Variants in SKIL observed in about 807,000 individuals in gnomAD.
SKIL encodes SKI like proto-oncogene.
SKIL carries 20 observed loss-of-function variants against 69.6 expected under a neutral mutation model. The observed-to-expected ratio is 0.29, with a 90% confidence interval of 0.20 to 0.42. The LOEUF is 0.42. Among genes scored for constraint, SKIL ranks in the 10% least tolerant of loss-of-function variants. The pLI is 1.00. For synonymous variants in SKIL, 310 were observed against 279.9 expected (o/e 1.11, Z -1.08); for missense variants, 745 against 783.1 (o/e 0.95, Z 0.58).
chr3:170,382,868 G>T (rs1450091191), intron 3 of SKIL, among the ~76,000 whole-genome samples: 2 of 151,142 alleles, frequency 1.3e-5, no homozygotes, highest in Non-Finnish European at 2.9e-5. Flanking sequence ...ACAGGCATCC[G>T]CTGCTACGCC....
chr3:170,374,464 A>G (rs1013487285), intron 2 of SKIL, among the ~76,000 whole-genome samples: 1 of 152,238 alleles, frequency 6.6e-6, no homozygotes, highest in Non-Finnish European at 1.5e-5. Flanking sequence ...GTATTTTAAA[A>G]TTTAAATACA....
chr3:170,366,268 T>C (rs1295160916), intron 2 of SKIL, among the ~76,000 whole-genome samples: 1 of 152,034 alleles, frequency 6.6e-6, no homozygotes, highest in Non-Finnish European at 1.5e-5. Flanking sequence ...TGTAATATAT[T>C]AATACATTTT....
chr3:170,372,783 GC>G (rs1736852931), intron 2 of SKIL, among the ~76,000 whole-genome samples: 1 of 152,084 alleles, frequency 6.6e-6, no homozygotes, highest in Admixed American at 6.6e-5. Flanking sequence ...TAGTAAGGTT[GC>G]TAATGATTTA....
At chr3:170,380,080 A>G (rs925446798) in intron 2 of SKIL, among the ~76,000 whole-genome samples, 1 of 152,090 alleles carries the variant, frequency 6.6e-6, no homozygotes, top group African/African-American at 2.4e-5. Context: ...GTTACCAGTT[A>G]CCTTTCTCCT....
At chr3:170,380,567 C>G (rs139468417) in intron 2 of SKIL, among the ~76,000 whole-genome samples, 1 of 151,568 alleles carries the variant, frequency 6.6e-6, no homozygotes, top group Non-Finnish European at 1.5e-5. Flanking sequence ...CGCTTGAACC[C>G]GGGAGGTGGA....
chr3:170,384,812 A>G lies in SKIL; in HGVS notation c.1429+47A>G. 3 of 963,876 alleles carry G rather than the reference A, an allele frequency of 3.1e-6. No individual in the cohort carries two copies. The South Asian group carries it at 5.1e-5, about 16-fold the overall frequency. 59.7% of individuals were successfully genotyped at this position (963,876 alleles called of 1,614,324 possible). On this transcript the variant is annotated intron_variant, in intron 4 of 6. Transcript: ENST00000259119. ...TTCTAAAATTAAATATCTAATGAAC[A>G]CATTTATTGAGCATTTTCAAACAGG...
chr3:170,387,337 T>C (rs78642312), intron 4 of SKIL, among the ~76,000 whole-genome samples: 2,598 of 152,262 alleles, frequency 0.017, 51 homozygotes, highest in East Asian at 0.092. Context: ...CACTCCCTGA[T>C]TCTCCCTTTC....
chr3:170,379,569 A>G (rs1376461623), intron 2 of SKIL, among the ~76,000 whole-genome samples: 3 of 152,218 alleles, frequency 2.0e-5, no homozygotes, highest in Non-Finnish European at 2.9e-5. Flanking sequence ...CAAAGTGTAA[A>G]TAAAGTAAAC....
intron 6 of SKIL, among the ~76,000 whole-genome samples, chr3:170,392,002 T>TGAGC (rs1737948933): frequency 6.6e-6 from 1 of 152,180 alleles, no homozygotes; most frequent in African/African-American, 2.4e-5. Flanking sequence ...CAGGCTGTGA[T>TGAGC]GAGCGGTATA....
intron 3 of SKIL, among the ~76,000 whole-genome samples, chr3:170,383,431 A>G (rs1021911170): frequency 1.3e-5 from 2 of 152,236 alleles, no homozygotes; most frequent in African/African-American, 2.4e-5. Context: ...TAGAGTGTCA[A>G]GTCTTAAATG....
In SKIL at chr3:170,391,252, G is replaced by T. The variant is rs375933856; in HGVS notation, c.1888G>T (p.Ala630Ser). 6 of 1,581,008 alleles carry T rather than the reference G, an allele frequency of 3.8e-6. No individual in the cohort carries two copies. The highest frequency in any genetic ancestry group is 5.2e-6 in the Non-Finnish European group (6 of 1,152,470). Reference protein sequence around the residue: ...NLEKDKEAEYAGQLAELRQRL... With the variant: ...NLEKDKEAEYSGQLAELRQRL... ...AGAAAAAGACAAAGAGGCTGAATAT[G>T]CAGGACAGGTAAGAATTACTGTTTG... Residue 630 changes from alanine to serine, a missense_variant, in exon 6 of 7, where the codon GCA becomes TCA. Physicochemically the swap from Ala to Ser is moderately conservative, Grantham distance 99 (BLOSUM62 1). Transcript: ENST00000259119.
chr3:170,381,883 C>CAGGTTAG (rs1737373009), intron 3 of SKIL, among the ~76,000 whole-genome samples: 1 of 151,704 alleles, frequency 6.6e-6, no homozygotes, highest in Non-Finnish European at 1.5e-5. Flanking sequence ...AGATCGAGAC[C>CAGGTTAG]ATCCTGGCTA....
chr3:170,358,036 G>T (rs1399406120), intron 1 of SKIL, among the ~76,000 whole-genome samples: 1 of 152,074 alleles, frequency 6.6e-6, no homozygotes, highest in African/African-American at 2.4e-5. Flanking sequence ...CGCTGTAGTT[G>T]ACGGGAGCCG....
chr3:170,363,734 C>T (rs1347718812), intron 2 of SKIL, among the ~76,000 whole-genome samples: 6 of 152,156 alleles, frequency 3.9e-5, no homozygotes, highest in Non-Finnish European at 7.3e-5. Flanking sequence ...ATCCACCCGC[C>T]TTGGCTTCTC....
intron 2 of SKIL, among the ~76,000 whole-genome samples, chr3:170,380,704 A>T (rs535818535): frequency 1.3e-5 from 2 of 152,282 alleles, no homozygotes; most frequent in East Asian, 3.9e-4. Context: ...TGATGCAGTC[A>T]TTTCTGGTAC....
At position 170,394,587 on chromosome 3, in the gene SKIL, C is replaced by G. The variant is rs1738100097; in HGVS notation, c.*2170C>G. The G allele has an allele frequency of 6.6e-6, 1 of 152,058 alleles. No homozygotes were observed. The highest frequency in any genetic ancestry group is 2.4e-5 in the African/African-American group (1 of 41,402). 9.4% of individuals were successfully genotyped at this position (152,058 alleles called of 1,614,324 possible). On this transcript the variant is annotated 3_prime_UTR_variant, in exon 7 of 7. Transcript: ENST00000259119. ...TGTTATTGGAAAATTTTAAGCAGTG[C>G]TTAAACACCATTAAATTATTATGAA... is the stretch of plus-strand genomic sequence containing the variant.
intron 2 of SKIL, among the ~76,000 whole-genome samples, chr3:170,370,660 C>T (rs11917147): frequency 0.77 from 116,915 of 151,970 alleles, 45,749 homozygotes; most frequent in East Asian, 0.94. Flanking sequence ...TGAATTTATT[C>T]TGAGATTTCA....
chr3:170,371,088 G>C (rs1287079467), intron 2 of SKIL, among the ~76,000 whole-genome samples: 2 of 152,148 alleles, frequency 1.3e-5, no homozygotes, highest in East Asian at 3.8e-4. Context: ...GTACAAAGAA[G>C]AAAACACAAT....
At chr3:170,390,863 T>A (rs1174801492) in intron 5 of SKIL, among the ~76,000 whole-genome samples, 173 bp from the exon 6 acceptor site, 1 of 152,262 alleles carries the variant, frequency 6.6e-6, no homozygotes, top group Admixed American at 6.5e-5. Context: ...AAAAGCAATT[T>A]TAATATATTT....
Sources: gnomAD v4.1 joint callset for allele counts (sites outside exome capture counted in the v4.1 genomes callset) on GRCh38, gnomAD v4.1.1 for gene constraint, MANE v1.5 for transcripts, NCBI Gene and HGNC (gene_info 2026-07-23, HGNC 2026-07-21) for gene names.